The following PIK3CB variants were observed in gnomAD, a reference collection of about 807,000 sequenced individuals.
PIK3CB encodes phosphatidylinositol 4,5-bisphosphate 3-kinase catalytic subunit beta isoform.
PIK3CB carries 39 observed loss-of-function variants against 136.8 expected under a neutral mutation model. The ratio of observed to expected loss-of-function variants is 0.29; its 90% CI spans 0.22 to 0.37. The LOEUF (loss-of-function observed/expected upper bound fraction) is 0.37, where lower values mean the gene tolerates loss of function less well. Ranked by LOEUF, PIK3CB falls within the 10% of genes least tolerant of loss-of-function variation. The pLI, the probability that PIK3CB is intolerant of heterozygous loss-of-function variation, is 1.00. For synonymous variants in PIK3CB, 428 were observed against 436.6 expected, an observed-to-expected ratio of 0.98 and a Z score of 0.25; for missense variants, 868 against 1,275.4, an observed-to-expected ratio of 0.68 and a Z score of 4.87.
intron 10 of PIK3CB, among the ~76,000 whole-genome samples, chr3:138,710,090 G>C (rs1472962000): frequency 1.3e-5 from 2 of 151,564 alleles, no homozygotes; most frequent in Admixed American, 6.6e-5. Flanking sequence ...TTGGGGGGCT[G>C]AGGAGGGAGG....
intron 1 of PIK3CB, among the ~76,000 whole-genome samples, chr3:138,798,125 TAGAA>T (rs764848687): frequency 5.9e-5 from 9 of 152,226 alleles, no homozygotes; most frequent in Admixed American, 3.3e-4. Flanking sequence ...AGGGTAAAGA[TAGAA>T]AGAAACAAGA....
chr3:138,659,527 A>G (rs1360310345), intron 21 of PIK3CB, among the ~76,000 whole-genome samples: 1 of 152,010 alleles, frequency 6.6e-6, no homozygotes, highest in Non-Finnish European at 1.5e-5. Context: ...AGAAAAAAAA[A>G]AAAAAGTTTG....
chr3:138,822,029 T>C (rs1933581380), intron 1 of PIK3CB, among the ~76,000 whole-genome samples: 1 of 151,832 alleles, frequency 6.6e-6, no homozygotes, highest in Admixed American at 6.6e-5. Flanking sequence ...CACACACTTA[T>C]AATCCCAGAT....
intron 12 of PIK3CB, among the ~76,000 whole-genome samples, chr3:138,700,230 A>G (rs1342094307): frequency 6.6e-6 from 1 of 151,816 alleles, no homozygotes; most frequent in East Asian, 1.9e-4. Flanking sequence ...AATCCATTCC[A>G]TCCGTTTGTT....
At chr3:138,785,176 G>A (rs1344209169) in intron 2 of PIK3CB, among the ~76,000 whole-genome samples, 10 of 149,364 alleles carry the variant, frequency 6.7e-5, no homozygotes, top group Admixed American at 1.3e-4. Context: ...CAGCCGCCCC[G>A]TCCGGGAGGG....
chr3:138,795,048 G>A lies in PIK3CB; in HGVS notation c.-17+1415C>T, dbSNP rs530688018. Among the ~76,000 whole-genome samples, 35 of 152,076 alleles carry A rather than the reference G, an allele frequency of 2.3e-4. 1 individual carries two copies. The South Asian group carries it at 5.4e-3, about 23-fold the overall frequency. On this transcript the variant is annotated intron_variant, in intron 2 of 23. Transcript: ENST00000674063. ...AAAAAAAATTATCTCAGCCGGGCGCGGTGGCTCACGCCTGTAATCCCAGCA... is the reference window on the plus strand; with the variant it reads ...AAAAAAAATTATCTCAGCCGGGCGCAGTGGCTCACGCCTGTAATCCCAGCA...
At chr3:138,754,346 G>A (rs548152970) in intron 4 of PIK3CB, among the ~76,000 whole-genome samples, 25 of 152,148 alleles carry the variant, frequency 1.6e-4, no homozygotes, top group Admixed American at 1.6e-3. Flanking sequence ...GCTGAGGTGG[G>A]AGGATCGCTT....
chr3:138,720,470 G>C (rs1000972313), intron 8 of PIK3CB, among the ~76,000 whole-genome samples: 10 of 152,118 alleles, frequency 6.6e-5, no homozygotes, highest in South Asian at 4.1e-4. Flanking sequence ...CATCACACTC[G>C]TCTGGAAGTC....
intron 2 of PIK3CB, among the ~76,000 whole-genome samples, chr3:138,767,388 C>A (rs1439631568): frequency 6.6e-6 from 1 of 152,148 alleles, no homozygotes; most frequent in Non-Finnish European, 1.5e-5. Flanking sequence ...AATTTCAAAA[C>A]CATCTTTTGG....
chr3:138,724,214 A>G (rs1260947927), intron 8 of PIK3CB, among the ~76,000 whole-genome samples: 3 of 152,160 alleles, frequency 2.0e-5, no homozygotes, highest in African/African-American at 7.2e-5. Flanking sequence ...CTCAGGTTCA[A>G]TTTGCTCTAA....
chr3:138,830,300 A>C (rs562881642), intron 1 of PIK3CB, among the ~76,000 whole-genome samples: 1 of 152,332 alleles, frequency 6.6e-6, no homozygotes, highest in South Asian at 2.1e-4. Context: ...CTGTAATCCC[A>C]GCACTTTGGA....
At chr3:138,818,194 G>A (rs1414261894) in intron 1 of PIK3CB, among the ~76,000 whole-genome samples, 1 of 152,078 alleles carries the variant, frequency 6.6e-6, no homozygotes, top group African/African-American at 2.4e-5. Flanking sequence ...ATAAAATCAT[G>A]GAGGTCCTGA....
intron 10 of PIK3CB, among the ~76,000 whole-genome samples, chr3:138,710,953 G>A (rs2044484255): frequency 6.6e-6 from 1 of 151,784 alleles, no homozygotes; most frequent in South Asian, 2.1e-4. Flanking sequence ...GTGTGGTGGT[G>A]GACACCTGTA....
intron 4 of PIK3CB, among the ~76,000 whole-genome samples, chr3:138,745,063 G>A (rs763411242): frequency 9.2e-5 from 14 of 152,258 alleles, no homozygotes; most frequent in Admixed American, 6.5e-4. Context: ...TTACTGTTTT[G>A]GGTTTGATAG....
rs979525991 is a variant in PIK3CB at position 138,759,987 on chromosome 3, TCTCAG to T, written c.-16-633_-16-629del. Among the ~76,000 whole-genome samples the T allele has an allele frequency of 4.6e-4, 70 of 152,040 alleles. 1 individual carries two copies. The highest frequency in any genetic ancestry group is 4.4e-3 in the Admixed American group (67 of 15,244). On this transcript the variant is annotated intron_variant, in intron 2 of 23. Coordinates refer to ENST00000674063, the MANE Select transcript of PIK3CB (RefSeq NM_006219.3). The stretch of plus-strand genomic sequence containing the variant: ...CCTAGGCTGGAATGCAGTAGTGACA[TCTCAG>T]CTCACTGCAAGCTCCGCCTCCCAGT...
At chr3:138,713,171 A>G (rs2044539869) in intron 9 of PIK3CB, among the ~76,000 whole-genome samples, 2 of 151,058 alleles carry the variant, frequency 1.3e-5, no homozygotes. Flanking sequence ...AAGTTATTTT[A>G]CTTTTAGGGT....
intron 8 of PIK3CB, among the ~76,000 whole-genome samples, chr3:138,727,458 G>A (rs1166334699): frequency 1.3e-5 from 2 of 152,228 alleles, no homozygotes; most frequent in East Asian, 1.9e-4. Context: ...AGGGCCACAG[G>A]GCAAGGATCT....
At chr3:138,832,550 G>A (rs959797480) in intron 1 of PIK3CB, among the ~76,000 whole-genome samples, 1 of 151,822 alleles carries the variant, frequency 6.6e-6, no homozygotes, top group South Asian at 2.1e-4. Flanking sequence ...AGATTGGGCC[G>A]GGCGCGGTGG....
chr3:138,714,223 C>A (rs1046472874), intron 9 of PIK3CB, among the ~76,000 whole-genome samples: 2 of 151,846 alleles, frequency 1.3e-5, no homozygotes, highest in African/African-American at 2.4e-5. Context: ...ATAAAATAAA[C>A]CTGCCAAAAG....
Sources: gnomAD v4.1 joint callset for allele counts (sites outside exome capture counted in the v4.1 genomes callset) on GRCh38, gnomAD v4.1.1 for gene constraint, MANE v1.5 for transcripts, NCBI Gene and HGNC (gene_info 2026-07-23, HGNC 2026-07-21) for gene names.